The following CCDC171 variants were observed in gnomAD, a reference collection of about 807,000 sequenced individuals.
CCDC171 encodes the protein coiled-coil domain containing 171.
A neutral mutation model predicts 168.2 loss-of-function variants in CCDC171; 177 were observed. That is an observed-to-expected ratio of 1.05 (90% confidence interval 0.93 to 1.19). CCDC171 has a LOEUF of 1.19. Ranked by LOEUF, CCDC171 falls within the 50% of genes most tolerant of loss-of-function variation. The pLI, the probability that CCDC171 is intolerant of heterozygous loss-of-function variation, is 0.00. For missense variants in CCDC171, 1,991 were observed against 1,539.0 expected (o/e 1.29, Z -4.91); for synonymous variants, 687 against 540.8 (o/e 1.27, Z -3.75).
intron 24 of CCDC171, among the ~76,000 whole-genome samples, chr9:15,886,989 G>C (rs1306795307): frequency 6.6e-6 from 1 of 152,052 alleles, no homozygotes; most frequent in Non-Finnish European, 1.5e-5. Context: ...GGGGAATGAG[G>C]AGATAATTGG....
chr9:15,782,456 G>A (rs1467099502), intron 20 of CCDC171, among the ~76,000 whole-genome samples: 1 of 152,188 alleles, frequency 6.6e-6, no homozygotes, highest in Non-Finnish European at 1.5e-5. Flanking sequence ...GGATGGACAA[G>A]AGAGGCTAAA....
intron 3 of CCDC171, among the ~76,000 whole-genome samples, chr9:15,577,687 C>A (rs1320967581): frequency 6.6e-6 from 1 of 152,094 alleles, no homozygotes; most frequent in Non-Finnish European, 1.5e-5. Flanking sequence ...TACACAGGTA[C>A]CAGAAAAGTG....
chr9:15,761,156 C>G (rs1300383437), intron 18 of CCDC171, among the ~76,000 whole-genome samples: 2 of 152,188 alleles, frequency 1.3e-5, no homozygotes, highest in African/African-American at 4.8e-5. Context: ...TTTTGTCACA[C>G]ATTTCCTGTG....
chr9:16,087,224 G>C, the CCDC171 span, among the ~76,000 whole-genome samples: 8 of 152,154 alleles, frequency 5.3e-5, no homozygotes, highest in African/African-American at 1.9e-4. Flanking sequence ...GGGGTGGAGA[G>C]TTCTGTAGAT....
At chr9:15,573,404 C>G (rs1402332263) in intron 3 of CCDC171, among the ~76,000 whole-genome samples, 1 of 152,054 alleles carries the variant, frequency 6.6e-6, no homozygotes, top group African/African-American at 2.4e-5. Flanking sequence ...GCCTCAGCCT[C>G]CCCAGTAGCT....
chr9:16,080,635 G>A, the CCDC171 span, among the ~76,000 whole-genome samples: 15 of 152,138 alleles, frequency 9.9e-5, no homozygotes, highest in East Asian at 5.8e-4. Flanking sequence ...GAAGATCCTC[G>A]CTTATGAGAA....
chr9:15,983,480 TTGTGTGTGTG>T lies in CCDC171; in HGVS notation n.369-37086_369-37077del, dbSNP rs56910418. Among the ~76,000 whole-genome samples, 5 of 144,000 alleles carry T rather than the reference TTGTGTGTGTG, an allele frequency of 3.5e-5. No individual in the cohort carries two copies. The East Asian group carries it at 6.4e-4, about 19-fold the overall frequency. The allele number at this position is 144,000 out of a possible 152,430, so 94.5% of individuals were successfully genotyped here. A position where few individuals can be genotyped will look rare whatever the true frequency, so the allele number is the denominator to read the frequency against. On this transcript the variant is annotated intron_variant and non_coding_transcript_variant, in intron 3 of 9. Coordinates refer to the CCDC171 transcript ENST00000486641. The stretch of plus-strand genomic sequence containing the variant: ...TTTATATTGTGGATTTTGTGATCAG[TTGTGTGTGTG>T]TGTGTGTGTGTGTGTGTGTGTGAGA...
chr9:15,706,978 T>G (rs569716986), intron 11 of CCDC171, among the ~76,000 whole-genome samples: 1 of 152,328 alleles, frequency 6.6e-6, no homozygotes, highest in African/African-American at 2.4e-5. Context: ...CCTTTCCTGC[T>G]TTACTTCTTT....
intron 2 of CCDC171, among the ~76,000 whole-genome samples, chr9:15,569,849 A>AACAAAAC (rs1554681011): frequency 2.8e-5 from 4 of 141,862 alleles, no homozygotes; most frequent in African/African-American, 1.2e-4. Flanking sequence ...AAACAAACAA[A>AACAAAAC]AAAAAAATTT....
intron 24 of CCDC171, among the ~76,000 whole-genome samples, chr9:15,905,654 G>A (rs1435960652): frequency 6.6e-6 from 1 of 151,806 alleles, no homozygotes; most frequent in Non-Finnish European, 1.5e-5. Context: ...CTAGCAGAAG[G>A]CAAGAAAAAA....
chr9:15,599,704 A>G (rs751502580), intron 6 of CCDC171, among the ~76,000 whole-genome samples: 1 of 152,100 alleles, frequency 6.6e-6, no homozygotes, highest in Non-Finnish European at 1.5e-5. Context: ...CTGCCTTGCT[A>G]GATTGGGGAA....
At chr9:15,688,500 A>G (rs1235990043) in intron 10 of CCDC171, among the ~76,000 whole-genome samples, 1 of 152,204 alleles carries the variant, frequency 6.6e-6, no homozygotes, top group Non-Finnish European at 1.5e-5. Flanking sequence ...ATCCAGCAAG[A>G]TATAAAAAAG....
chr9:15,773,661 T>G (rs1453571992), intron 18 of CCDC171, among the ~76,000 whole-genome samples: 2 of 152,084 alleles, frequency 1.3e-5, no homozygotes, highest in Admixed American at 1.3e-4. Context: ...CTCTTATTTC[T>G]GTATTATTAT....
chr9:15,748,117 C>T (rs1002478379), intron 18 of CCDC171, among the ~76,000 whole-genome samples: 14 of 152,230 alleles, frequency 9.2e-5, no homozygotes, highest in African/African-American at 3.1e-4. Flanking sequence ...GACTTAACCT[C>T]TCTGGGCCTC....
rs578124369 is a variant in CCDC171 at position 15,918,378 on chromosome 9, G to A, written c.3601-1892G>A. Among the ~76,000 whole-genome samples, 5 of 149,936 alleles carry A rather than the reference G, an allele frequency of 3.3e-5. No individual in the cohort carries two copies. In the East Asian group the frequency reaches 9.9e-4, roughly 30 times the overall value. On this transcript the variant is annotated intron_variant, in intron 24 of 25. Transcript: ENST00000380701. Reference sequence around the variant, plus strand: ...GAGGGAGGAGATGGAGGCTCAGAGGGATTATGTGGCATTTCCCAACAACAT... The same window carrying A: ...GAGGGAGGAGATGGAGGCTCAGAGGAATTATGTGGCATTTCCCAACAACAT...
At chr9:15,911,922 C>A (rs1167279793) in intron 24 of CCDC171, among the ~76,000 whole-genome samples, 1 of 152,140 alleles carries the variant, frequency 6.6e-6, no homozygotes, top group Non-Finnish European at 1.5e-5. Flanking sequence ...TGTTTTGGTA[C>A]CAGTACCATG....
intron 25 of CCDC171, among the ~76,000 whole-genome samples, chr9:15,930,696 A>G (rs557788598): frequency 6.6e-6 from 1 of 151,742 alleles, no homozygotes; most frequent in Non-Finnish European, 1.5e-5. Flanking sequence ...ATAAATCAGT[A>G]GAAAGTTTGT....
At chr9:15,598,063 C>T (rs994585383) in intron 6 of CCDC171, among the ~76,000 whole-genome samples, 29 of 152,034 alleles carry the variant, frequency 1.9e-4, no homozygotes, top group Admixed American at 1.4e-3. Flanking sequence ...GTCTTGCTAG[C>T]GGTCTATCAA....
intron 9 of CCDC171, among the ~76,000 whole-genome samples, chr9:15,668,336 C>T (rs916367509): frequency 6.6e-6 from 1 of 152,086 alleles, no homozygotes; most frequent in Admixed American, 6.5e-5. Flanking sequence ...CCTAATTGGA[C>T]CCCAAAGCAG....
Sources: gnomAD v4.1 joint callset for allele counts (sites outside exome capture counted in the v4.1 genomes callset) on GRCh38, gnomAD v4.1.1 for gene constraint, MANE v1.5 for transcripts, NCBI Gene and HGNC (gene_info 2026-07-23, HGNC 2026-07-21) for gene names.